HIGD1C: variants seen among roughly 807,000 people sequenced by gnomAD.
HIGD1C encodes the protein HIG1 domain family member 1C.
Under a neutral mutation model 13.1 loss-of-function variants are expected in HIGD1C, and 11 were observed. That is an observed-to-expected ratio of 0.84 (90% CI 0.53 to 1.39). The LOEUF is 1.39. HIGD1C is among the 40% of genes most tolerant of loss of function. The pLI is 0.00. For missense variants in HIGD1C, 110 were observed against 112.0 expected, an observed-to-expected ratio of 0.98 and a Z score of 0.08; for synonymous variants, 36 against 37.7, an observed-to-expected ratio of 0.95 and a Z score of 0.17.
At chr12:50,940,302 A>G in the HIGD1C span, among the ~76,000 whole-genome samples, 1 of 152,198 alleles carries the variant, frequency 6.6e-6, no homozygotes, top group Non-Finnish European at 1.5e-5. Context: ...ACACCATCTA[A>G]TTAATTCTAT....
intron 1 of HIGD1C, among the ~76,000 whole-genome samples, chr12:50,960,383 G>C (rs539033283): frequency 1.3e-5 from 2 of 152,320 alleles, no homozygotes; most frequent in African/African-American, 4.8e-5. Context: ...ACTTGCCACA[G>C]ATAATAACTT....
At chr12:50,935,010 T>C in the HIGD1C span, 1 of 152,226 alleles carries the variant, frequency 6.6e-6, no homozygotes, top group Non-Finnish European at 1.5e-5. Flanking sequence ...CCTACATAGT[T>C]CAAACTTGAA....
At chr12:50,931,888 A>G in the HIGD1C span, 1 of 151,998 alleles carries the variant, frequency 6.6e-6, no homozygotes, top group African/African-American at 2.4e-5. Context: ...TTTCTGAAAA[A>G]CAAATCTGAA....
At position 50,955,515 on chromosome 12, in the gene HIGD1C, T is replaced by C. The variant is rs117490937; in HGVS notation, c.94+1423T>C. ...TTTTGTCTGGAAACTATTAAAATAG[T>C]TTACTTAAATCAGACTGACATAAGT... On this transcript the variant is annotated intron_variant, in intron 1 of 2. Coordinates refer to ENST00000398455, the Ensembl canonical transcript of HIGD1C. Among the ~76,000 whole-genome samples, 136 of 152,290 alleles carry C rather than the reference T, an allele frequency of 8.9e-4. 1 individual carries two copies. The highest frequency in any genetic ancestry group is 1.7e-3 in the Non-Finnish European group (113 of 68,018).
chr12:50,961,055 A>C (rs528933093), exon 2 of HIGD1C: 2 of 1,613,802 alleles, frequency 1.2e-6, no homozygotes, highest in East Asian at 4.5e-5. Context: ...CATCTTATTC[A>C]CATGAGAGTT....
At chr12:50,954,047 T>A (rs1417693947) in exon 1 of HIGD1C, 2 of 1,613,450 alleles carry the variant, frequency 1.2e-6, no homozygotes, top group Non-Finnish European at 1.7e-6. Context: ...AGGCCAATTA[T>A]CCCGACTAAT....
chr12:50,950,117 C>T (rs1938862375), upstream of HIGD1C, among the ~76,000 whole-genome samples: 1 of 152,122 alleles, frequency 6.6e-6, no homozygotes, highest in Non-Finnish European at 1.5e-5. Flanking sequence ...GTGACAGGAC[C>T]AAGGCACAGC....
the HIGD1C span, among the ~76,000 whole-genome samples, chr12:50,941,405 G>A: frequency 6.6e-6 from 1 of 152,090 alleles, no homozygotes; most frequent in Non-Finnish European, 1.5e-5. Context: ...CATATTCTGG[G>A]CTCCTGAGTA....
intron 2 of HIGD1C, among the ~76,000 whole-genome samples, chr12:50,963,369 C>CA (rs35764288): frequency 0.012 from 871 of 72,052 alleles, 5 homozygotes; most frequent in African/African-American, 0.017. Context: ...GACTCCATCT[C>CA]AAAAAAAAAA....
chr12:50,934,199 G>C, the HIGD1C span, among the ~76,000 whole-genome samples: 2 of 152,208 alleles, frequency 1.3e-5, no homozygotes, highest in African/African-American at 4.8e-5. Flanking sequence ...CTTCCTATGG[G>C]AGATCATATA....
intron 2 of HIGD1C, among the ~76,000 whole-genome samples, chr12:50,966,377 A>G (rs550290874): frequency 4.6e-5 from 7 of 152,190 alleles, no homozygotes; most frequent in Non-Finnish European, 1.0e-4. Context: ...CCTCTGTGGC[A>G]GTTTCTGAAC....
At chr12:50,946,674 A>G in the HIGD1C span, among the ~76,000 whole-genome samples, 31 of 151,966 alleles carry the variant, frequency 2.0e-4, no homozygotes, top group Admixed American at 1.8e-3. Context: ...ACAGTGTGGC[A>G]ATTCCTCAAG....
intron 1 of HIGD1C, among the ~76,000 whole-genome samples, chr12:50,958,928 A>G (rs1364877471): frequency 1.3e-5 from 2 of 151,532 alleles, no homozygotes; most frequent in Admixed American, 1.3e-4. Context: ...GAGGCACGAG[A>G]ATCACTTAAA....
At chr12:50,959,104 C>A (rs1939224574) in intron 1 of HIGD1C, among the ~76,000 whole-genome samples, 1 of 152,160 alleles carries the variant, frequency 6.6e-6, no homozygotes. Flanking sequence ...TATTCTATTA[C>A]ATCTACCATA....
chr12:50,963,369 C>CAAAAAAAAAAAAA (rs35764288), intron 2 of HIGD1C, among the ~76,000 whole-genome samples: 38 of 72,400 alleles, frequency 5.2e-4, no homozygotes, highest in Non-Finnish European at 6.5e-4. Context: ...GACTCCATCT[C>CAAAAAAAAAAAAA]AAAAAAAAAA....
At chr12:50,935,173 T>C in the HIGD1C span, 1 of 152,182 alleles carries the variant, frequency 6.6e-6, no homozygotes, top group Non-Finnish European at 1.5e-5. Flanking sequence ...TGATGAATCA[T>C]AGCAAACCAG....
chr12:50,954,226 T>C (rs1939004733), intron 1 of HIGD1C, 134 bp downstream of exon 3: 1 of 568,868 alleles, frequency 1.8e-6, no homozygotes, highest in Non-Finnish European at 3.1e-6. Flanking sequence ...TCTAAGCATG[T>C]GTTGAACTTT....
intron 1 of HIGD1C, 70 bp downstream of exon 3, chr12:50,954,162 G>A (rs1003029586): frequency 2.3e-5 from 20 of 880,742 alleles, no homozygotes; most frequent in Admixed American, 8.9e-5. Context: ...GTGCCTTTGC[G>A]GATTGAAATG....
the HIGD1C span, among the ~76,000 whole-genome samples, chr12:50,937,858 T>C: frequency 6.6e-6 from 1 of 152,168 alleles, no homozygotes. Context: ...TGAGTCTGGC[T>C]GAGTCTGGGG....
Sources: gnomAD v4.1 joint callset for allele counts (sites outside exome capture counted in the v4.1 genomes callset) on GRCh38, gnomAD v4.1.1 for gene constraint, MANE v1.5 for transcripts, NCBI Gene and HGNC (gene_info 2026-07-23, HGNC 2026-07-21) for gene names.